Variants in COP1 observed in about 807,000 individuals in gnomAD.
COP1 encodes the protein COP1 E3 ubiquitin ligase.
COP1 carries 24 observed loss-of-function variants against 101.3 expected under a neutral mutation model. The observed-to-expected ratio is 0.24, with a 90% CI of 0.17 to 0.33. The LOEUF (loss-of-function observed/expected upper bound fraction) is 0.33. Ranked by LOEUF, COP1 falls within the 10% of genes least tolerant of loss-of-function variation. The pLI, the probability that COP1 is intolerant of heterozygous loss-of-function variation, is 1.00. For synonymous variants in COP1, 347 were observed against 341.9 expected (o/e 1.01, Z -0.17); for missense variants, 663 against 906.2 (o/e 0.73, Z 3.45).
chr1:175,988,625 G>C (rs1657686419), intron 16 of COP1: 1 of 411,620 alleles, frequency 2.4e-6, no homozygotes, highest in Non-Finnish European at 4.3e-6. Context: ...CTGAGGTCTG[G>C]AGTTCGAGAC....
At position 176,013,332 on chromosome 1, in the gene COP1, A is replaced by G. The variant is rs1665027498; in HGVS notation, c.1729+14240T>C. Among the ~76,000 whole-genome samples, 2 of 152,170 alleles carry G rather than the reference A, an allele frequency of 1.3e-5. 1 individual carries two copies. The highest frequency in any genetic ancestry group is 4.1e-4 in the South Asian group (2 of 4,830). On this transcript the variant is annotated intron_variant, in intron 15 of 19. Transcript: ENST00000367669. ...TTCAGAAATTTACTTAGCTAGGGGG[A>G]AAAACACAAGATGATGATGGGTTCT... is the stretch of plus-strand genomic sequence containing the variant.
chr1:176,002,462 G>C (rs571100654), intron 15 of COP1, among the ~76,000 whole-genome samples: 1 of 151,150 alleles, frequency 6.6e-6, no homozygotes, highest in Non-Finnish European at 1.5e-5. Flanking sequence ...CCACTAACTC[G>C]TCACCTAGCA....
At chr1:175,979,470 C>A (rs1655306691) in intron 18 of COP1, among the ~76,000 whole-genome samples, 1 of 144,814 alleles carries the variant, frequency 6.9e-6, no homozygotes. Context: ...AGATAAAACT[C>A]ACATAAATTT....
intron 15 of COP1, among the ~76,000 whole-genome samples, chr1:176,016,765 C>T (rs1243363655): frequency 6.6e-6 from 1 of 151,572 alleles, no homozygotes; most frequent in African/African-American, 2.4e-5. Context: ...AGGTAAGTAT[C>T]AATCCAGGTG....
At chr1:176,040,315 C>T (rs1290070785) in intron 14 of COP1, among the ~76,000 whole-genome samples, 2 of 151,680 alleles carry the variant, frequency 1.3e-5, no homozygotes, top group Non-Finnish European at 2.9e-5. Context: ...CCCCTTTTCC[C>T]TCCTTCTCTT....
At chr1:175,974,624 T>G (rs576004346) in intron 18 of COP1, among the ~76,000 whole-genome samples, 41 of 152,264 alleles carry the variant, frequency 2.7e-4, no homozygotes, top group African/African-American at 9.1e-4. Context: ...ATAGGTAATT[T>G]CAGTGAAGAG....
chr1:176,109,759 T>A (rs570444553), intron 9 of COP1, among the ~76,000 whole-genome samples: 1 of 152,208 alleles, frequency 6.6e-6, no homozygotes, highest in Non-Finnish European at 1.5e-5. Flanking sequence ...TTAGTATGCA[T>A]CAACACTGTC....
At chr1:175,977,817 T>C (rs1431085387) in intron 18 of COP1, among the ~76,000 whole-genome samples, 1 of 152,166 alleles carries the variant, frequency 6.6e-6, no homozygotes, top group Non-Finnish European at 1.5e-5. Context: ...TCCATTTTAT[T>C]CAATTTAGAA....
chr1:176,031,141 T>G (rs1402835502), intron 14 of COP1, among the ~76,000 whole-genome samples: 4 of 152,218 alleles, frequency 2.6e-5, no homozygotes, highest in Non-Finnish European at 5.9e-5. Context: ...CTTCTGGTCT[T>G]CAGTACTATG....
intron 15 of COP1, among the ~76,000 whole-genome samples, chr1:175,997,168 A>G (rs1660375714): frequency 1.3e-5 from 2 of 150,638 alleles, no homozygotes; most frequent in Admixed American, 6.6e-5. Context: ...CTATTTAATA[A>G]ATGGTGCTGG....
chr1:176,006,869 G>A (rs1322347724), intron 15 of COP1, among the ~76,000 whole-genome samples: 6 of 151,754 alleles, frequency 4.0e-5, no homozygotes, highest in South Asian at 2.1e-4. Flanking sequence ...GGCGTTCTCT[G>A]TATTTCCTGA....
intron 15 of COP1, among the ~76,000 whole-genome samples, chr1:176,026,690 T>G (rs1373169992): frequency 6.6e-6 from 1 of 152,164 alleles, no homozygotes; most frequent in Non-Finnish European, 1.5e-5. Context: ...GGAAAAAGTA[T>G]AGTGACATGG....
At chr1:176,163,459 G>A (rs1304268374) in intron 4 of COP1, among the ~76,000 whole-genome samples, 1 of 152,186 alleles carries the variant, frequency 6.6e-6, no homozygotes, top group Non-Finnish European at 1.5e-5. Flanking sequence ...GGGCTTGAGT[G>A]ATCCTCCCAC....
chr1:176,142,864 TA>T lies in COP1; in HGVS notation c.831+6141del, dbSNP rs559184980. On this transcript the variant is annotated intron_variant, in intron 6 of 19. Coordinates refer to ENST00000367669, the MANE Select transcript of COP1 (RefSeq NM_022457.7). Reference sequence around the variant, plus strand: ...GATGCCAAAAGAATTAGGTACAGATTAAAAAATAAGAAACTATGGCCCTAAA... The same window carrying T: ...GATGCCAAAAGAATTAGGTACAGATTAAAAATAAGAAACTATGGCCCTAAA... Among the ~76,000 whole-genome samples, 12 of 151,724 alleles carry T rather than the reference TA, an allele frequency of 7.9e-5. No individual in the cohort carries two copies. In the South Asian group the frequency reaches 2.3e-3, roughly 29 times the overall value.
At chr1:176,078,733 T>C (rs1300919855) in intron 11 of COP1, among the ~76,000 whole-genome samples, 3 of 151,936 alleles carry the variant, frequency 2.0e-5, no homozygotes, top group African/African-American at 7.3e-5. Context: ...TGAAAGTATT[T>C]GCAAACTATG....
At chr1:176,066,103 A>G (rs1030551709) in intron 11 of COP1, among the ~76,000 whole-genome samples, 1 of 152,162 alleles carries the variant, frequency 6.6e-6, no homozygotes, top group African/African-American at 2.4e-5. Context: ...TAAGAAGCCC[A>G]TATCTACCAT....
At chr1:176,174,665 T>C (rs1696653308) in intron 3 of COP1, among the ~76,000 whole-genome samples, 1 of 152,200 alleles carries the variant, frequency 6.6e-6, no homozygotes, top group Admixed American at 6.5e-5. Flanking sequence ...TTCAAATTCA[T>C]AATTTATTTT....
intron 15 of COP1, among the ~76,000 whole-genome samples, chr1:175,998,792 G>A (rs1012148522): frequency 2.6e-5 from 4 of 151,888 alleles, no homozygotes; most frequent in African/African-American, 9.7e-5. Context: ...AAAAACATAA[G>A]GTAATCCTAG....
chr1:176,176,534 G>C (rs1339240500), intron 2 of COP1, among the ~76,000 whole-genome samples: 1 of 152,134 alleles, frequency 6.6e-6, no homozygotes, highest in African/African-American at 2.4e-5. Context: ...ATAAAATACT[G>C]CCAGTAAGGC....
Sources: gnomAD v4.1 joint callset for allele counts (sites outside exome capture counted in the v4.1 genomes callset) on GRCh38, gnomAD v4.1.1 for gene constraint, MANE v1.5 for transcripts, NCBI Gene and HGNC (gene_info 2026-07-23, HGNC 2026-07-21) for gene names.